LHFPL6: variants seen among roughly 807,000 people sequenced by gnomAD.
The protein encoded by LHFPL6 is LHFPL tetraspan subfamily member 6 protein.
A neutral mutation model predicts 20.6 loss-of-function variants in LHFPL6; 9 were observed. The ratio of observed to expected loss-of-function variants is 0.44; its 90% confidence interval spans 0.26 to 0.76. LHFPL6 has a LOEUF of 0.76. Among genes scored for constraint, LHFPL6 ranks in the 30% least tolerant of loss-of-function variants. LHFPL6 has a pLI of 0.20. For synonymous variants in LHFPL6, 105 were observed against 98.7 expected (o/e 1.06, Z -0.38); for missense variants, 218 against 253.5 (o/e 0.86, Z 0.95).
At chr13:39,378,925 G>A (rs963347090) in intron 2 of LHFPL6, among the ~76,000 whole-genome samples, 1 of 152,096 alleles carries the variant, frequency 6.6e-6, no homozygotes, top group African/African-American at 2.4e-5. Flanking sequence ...CTAGATTTTT[G>A]TTTCCTATTT....
chr13:39,432,807 T>C (rs180854478), intron 2 of LHFPL6, among the ~76,000 whole-genome samples: 75 of 152,370 alleles, frequency 4.9e-4, no homozygotes, highest in African/African-American at 1.8e-3. Context: ...CCTAGAACAC[T>C]GCCTACCACA....
intron 2 of LHFPL6, among the ~76,000 whole-genome samples, chr13:39,582,746 A>G (rs1872327852): frequency 6.6e-6 from 1 of 152,186 alleles, no homozygotes. Context: ...GAGGATATCA[A>G]CCAAACAGCA....
chr13:39,373,141 C>A (rs1870202395), intron 3 of LHFPL6, among the ~76,000 whole-genome samples: 1 of 152,214 alleles, frequency 6.6e-6, no homozygotes, highest in Non-Finnish European at 1.5e-5. Context: ...AGGCTACTTT[C>A]ATTTGCGAGA....
At chr13:39,540,116 C>A (rs2324333) in intron 2 of LHFPL6, among the ~76,000 whole-genome samples, 145,824 of 152,222 alleles carry the variant, frequency 0.96, 69,863 homozygotes, top group African/African-American at 0.96. Context: ...TTCTTTGGAA[C>A]TGAAGGGTAA....
intron 2 of LHFPL6, among the ~76,000 whole-genome samples, chr13:39,501,966 A>G (rs1457680012): frequency 6.6e-6 from 1 of 152,232 alleles, no homozygotes; most frequent in East Asian, 1.9e-4. Flanking sequence ...CAGGACAGTG[A>G]GCCAAGGGCC....
At chr13:39,369,604 T>TTC (rs1566095676) in intron 3 of LHFPL6, among the ~76,000 whole-genome samples, 17 of 105,340 alleles carry the variant, frequency 1.6e-4, no homozygotes, top group African/African-American at 4.1e-4. Context: ...CCTTCCTCCC[T>TTC]CTCTCCCTCC....
chr13:39,417,314 C>G (rs552253684), intron 2 of LHFPL6, among the ~76,000 whole-genome samples: 1 of 152,322 alleles, frequency 6.6e-6, no homozygotes, highest in Admixed American at 6.5e-5. Flanking sequence ...TGGGTGCCCC[C>G]AGAGGCTAAA....
At chr13:39,497,916 G>A (rs183514817) in intron 2 of LHFPL6, among the ~76,000 whole-genome samples, 11 of 152,114 alleles carry the variant, frequency 7.2e-5, no homozygotes, top group Admixed American at 2.0e-4. Flanking sequence ...ACTTCTACAC[G>A]ATTAATACTC....
chr13:39,568,808 C>T (rs575698451), intron 2 of LHFPL6, among the ~76,000 whole-genome samples: 4 of 152,268 alleles, frequency 2.6e-5, no homozygotes, highest in African/African-American at 9.6e-5. Context: ...TGGACTCTTG[C>T]TTTGCTTTCC....
intron 2 of LHFPL6, among the ~76,000 whole-genome samples, chr13:39,408,152 A>C (rs1042641108): frequency 5.2e-5 from 8 of 152,386 alleles, no homozygotes; most frequent in African/African-American, 1.7e-4. Context: ...CCAAAGTGTC[A>C]AAAACTATTG....
intron 2 of LHFPL6, among the ~76,000 whole-genome samples, chr13:39,581,523 T>C (rs1179873767): frequency 7.4e-6 from 1 of 134,558 alleles, no homozygotes; most frequent in Non-Finnish European, 1.6e-5. Context: ...ACCATCTTTA[T>C]GCATGAGACA....
chr13:39,453,681 T>C (rs1224437250), intron 2 of LHFPL6, among the ~76,000 whole-genome samples: 1 of 152,216 alleles, frequency 6.6e-6, no homozygotes, highest in Non-Finnish European at 1.5e-5. Context: ...ACCTCATGAC[T>C]AACTACCTGA....
intron 2 of LHFPL6, among the ~76,000 whole-genome samples, chr13:39,421,301 A>T (rs1018994332): frequency 6.6e-6 from 1 of 152,226 alleles, no homozygotes; most frequent in African/African-American, 2.4e-5. Flanking sequence ...TAAACTTTTC[A>T]TAAAATATAA....
chr13:39,346,838 A>T (rs563784255), intron 3 of LHFPL6, among the ~76,000 whole-genome samples: 1 of 152,258 alleles, frequency 6.6e-6, no homozygotes, highest in African/African-American at 2.4e-5. Flanking sequence ...TGGCCTTGCC[A>T]ACATGGTGAA....
chr13:39,427,138 G>T (rs990385144), intron 2 of LHFPL6, among the ~76,000 whole-genome samples: 1 of 149,768 alleles, frequency 6.7e-6, no homozygotes, highest in Non-Finnish European at 1.5e-5. Context: ...AAGTGATTTT[G>T]TATCCTGAAG....
chr13:39,439,302 T>C (rs902871022), intron 2 of LHFPL6, among the ~76,000 whole-genome samples: 6 of 152,332 alleles, frequency 3.9e-5, no homozygotes, highest in Admixed American at 3.9e-4. Flanking sequence ...TTTTGACCAA[T>C]TTCTCCTTTT....
intron 2 of LHFPL6, among the ~76,000 whole-genome samples, chr13:39,495,809 A>G (rs1382115763): frequency 1.2e-5 from 1 of 84,048 alleles, no homozygotes; most frequent in Non-Finnish European, 2.4e-5. Flanking sequence ...TTTTTTAGTA[A>G]TTCACCAGAT....
chr13:39,549,041 A>C (rs1871066877), intron 2 of LHFPL6, among the ~76,000 whole-genome samples: 1 of 152,180 alleles, frequency 6.6e-6, no homozygotes, highest in African/African-American at 2.4e-5. Flanking sequence ...CAGGATATTT[A>C]AGGAACTCTC....
At chr13:39,502,328 A>C (rs1275623963) in intron 2 of LHFPL6, among the ~76,000 whole-genome samples, 1 of 152,130 alleles carries the variant, frequency 6.6e-6, no homozygotes, top group Non-Finnish European at 1.5e-5. Flanking sequence ...TATTAAAAAT[A>C]CACATTTTGG....
Sources: allele counts gnomAD v4.1 joint callset (sites outside exome capture counted in the v4.1 genomes callset), GRCh38; gene constraint gnomAD v4.1.1; transcripts MANE v1.5; gene names NCBI Gene and HGNC (gene_info 2026-07-23, HGNC 2026-07-21).